SLC25A26: variants seen among roughly 807,000 people sequenced by gnomAD.
SLC25A26 encodes solute carrier family 25 member 26, also known as mitochondrial S-adenosylmethionine carrier protein.
In SLC25A26, 36 loss-of-function variants were observed where a neutral mutation model predicts 37.8. The observed-to-expected ratio is 0.95, with a 90% CI of 0.73 to 1.26. The LOEUF is 1.26. SLC25A26 is among the 50% of genes most tolerant of loss of function. SLC25A26 has a pLI of 0.00. For synonymous variants in SLC25A26, 129 were observed against 122.5 expected (o/e 1.05, Z -0.35); for missense variants, 390 against 331.1 (o/e 1.18, Z -1.38).
chr3:66,236,919 C>G, intron 2 of SLC25A26, among the ~76,000 whole-genome samples: 1 of 152,222 alleles, frequency 6.6e-6, no homozygotes, highest in Non-Finnish European at 1.5e-5. Context: ...TAACTGCAAC[C>G]TTGACCTCCT....
At chr3:66,169,835 A>G (rs1481485680) in intron 1 of SLC25A26, among the ~76,000 whole-genome samples, 1 of 152,254 alleles carries the variant, frequency 6.6e-6, no homozygotes, top group Admixed American at 6.5e-5. Context: ...TTTTAGAGTC[A>G]CTAATCAAGA....
intron 1 of SLC25A26, among the ~76,000 whole-genome samples, chr3:66,138,088 C>T (rs2069974942): frequency 6.6e-6 from 1 of 152,176 alleles, no homozygotes; most frequent in African/African-American, 2.4e-5. Flanking sequence ...CCCGCCTCAG[C>T]CTCCCAAAGT....
intron 5 of SLC25A26, among the ~76,000 whole-genome samples, chr3:66,270,130 A>T (rs890402953): frequency 6.6e-6 from 1 of 152,184 alleles, no homozygotes; most frequent in African/African-American, 2.4e-5. Flanking sequence ...CTACATTACT[A>T]TGATCTTTGC....
intron 5 of SLC25A26, among the ~76,000 whole-genome samples, chr3:66,310,098 G>A (rs1395897552): frequency 6.6e-6 from 1 of 152,170 alleles, no homozygotes; most frequent in Non-Finnish European, 1.5e-5. Flanking sequence ...TGACAGTGAG[G>A]TGTTAAAGTC....
chr3:66,265,544 A>G (rs1302312111), intron 5 of SLC25A26, among the ~76,000 whole-genome samples: 1 of 152,218 alleles, frequency 6.6e-6, no homozygotes, highest in African/African-American at 2.4e-5. Context: ...ACTGAAACAT[A>G]ATAGTTAAAT....
Position 66,208,174 on chromosome 3 carries a change from T to C in SLC25A26, c.-353-12568T>C, listed in dbSNP as rs1298366120. 3.3e-5 allele frequency among the ~76,000 whole-genome samples: 5 copies of C among 152,246 alleles called. No homozygotes were observed. The East Asian group carries it at 9.6e-4, about 29-fold the overall frequency. On this transcript the variant is annotated intron_variant, in intron 1 of 10. Transcript: ENST00000676754. ...GCTTTACTAAAATAAAAATCTAGAT[T>C]TTTTTTAAATCTTCCTATTTTACTT...
chr3:66,170,903 A>G (rs1268425734), intron 1 of SLC25A26, among the ~76,000 whole-genome samples: 1 of 133,324 alleles, frequency 7.5e-6, no homozygotes, highest in African/African-American at 2.8e-5. Flanking sequence ...TCCCGGGTTC[A>G]CGCCATTCTC....
At chr3:66,194,986 T>C (rs2071020431) in intron 1 of SLC25A26, among the ~76,000 whole-genome samples, 1 of 152,174 alleles carries the variant, frequency 6.6e-6, no homozygotes, top group Admixed American at 6.5e-5. Context: ...CTCCCCTTGG[T>C]GGGGAAGGGA....
chr3:66,276,966 A>G (rs1038491545), intron 5 of SLC25A26, among the ~76,000 whole-genome samples: 26 of 152,036 alleles, frequency 1.7e-4, no homozygotes, highest in Non-Finnish European at 2.8e-4. Flanking sequence ...TGAAAAAAAA[A>G]AAAAAAGGTT....
At chr3:66,338,982 TG>T (rs2107708735) in intron 5 of SLC25A26, among the ~76,000 whole-genome samples, 1 of 152,212 alleles carries the variant, frequency 6.6e-6, no homozygotes, top group African/African-American at 2.4e-5. Flanking sequence ...TTCATTTATG[TG>T]TTAATGTACT....
intron 6 of SLC25A26, among the ~76,000 whole-genome samples, chr3:66,359,674 A>C (rs1285519563): frequency 2.6e-5 from 4 of 152,240 alleles, no homozygotes; most frequent in Non-Finnish European, 5.9e-5. Context: ...CTTAAAAGTA[A>C]AGAAAAAGCG....
chr3:66,369,109 TAGG>T (rs1368339346), intron 7 of SLC25A26, among the ~76,000 whole-genome samples: 1 of 149,726 alleles, frequency 6.7e-6, no homozygotes, highest in African/African-American at 2.5e-5. Flanking sequence ...TGAGAACCAT[TAGG>T]AGCAGTGTGT....
chr3:66,215,227 G>T (rs1483592434), intron 1 of SLC25A26, among the ~76,000 whole-genome samples: 4 of 151,880 alleles, frequency 2.6e-5, no homozygotes, highest in African/African-American at 9.7e-5. Context: ...TTTGAGACAG[G>T]GTCTTGCTTT....
intron 5 of SLC25A26, among the ~76,000 whole-genome samples, chr3:66,313,848 C>T (rs1680410304): frequency 6.6e-6 from 1 of 152,048 alleles, no homozygotes; most frequent in South Asian, 2.1e-4. Context: ...CCCTTGCTAG[C>T]TGTATTCTTA....
chr3:66,352,444 T>G (rs1624187), intron 6 of SLC25A26, among the ~76,000 whole-genome samples: 9,498 of 104,718 alleles, frequency 0.091, 540 homozygotes, highest in African/African-American at 0.14. Context: ...TGTTTTTTGT[T>G]TTTTTTTTTG....
intron 1 of SLC25A26, among the ~76,000 whole-genome samples, chr3:66,160,382 A>T (rs1476431536): frequency 6.6e-6 from 1 of 152,200 alleles, no homozygotes; most frequent in Non-Finnish European, 1.5e-5. Flanking sequence ...GCCAGTGGGT[A>T]AAAATACTGC....
intron 1 of SLC25A26, among the ~76,000 whole-genome samples, chr3:66,175,120 TATATATATATATATATATATACAC>T: frequency 2.3e-5 from 2 of 86,270 alleles, no homozygotes; most frequent in South Asian, 3.6e-4. Context: ...TATATATATA[TATATATATATATATATATATACAC>T]ACACACACAC....
chr3:66,328,650 C>T (rs1189732819), intron 5 of SLC25A26, among the ~76,000 whole-genome samples: 1 of 152,136 alleles, frequency 6.6e-6, no homozygotes, highest in Admixed American at 6.5e-5. Flanking sequence ...ATAACTTAGG[C>T]ATCTTTTTAG....
At chr3:66,187,217 G>A (rs925086814) in intron 1 of SLC25A26, among the ~76,000 whole-genome samples, 21 of 151,380 alleles carry the variant, frequency 1.4e-4, no homozygotes, top group African/African-American at 4.1e-4. Context: ...TTATCATGTC[G>A]CTGAACCTGA....
Sources: gnomAD v4.1 joint callset for allele counts (sites outside exome capture counted in the v4.1 genomes callset) on GRCh38, gnomAD v4.1.1 for gene constraint, MANE v1.5 for transcripts, NCBI Gene and HGNC (gene_info 2026-07-23, HGNC 2026-07-21) for gene names.